Variants in ITPKB observed in about 807,000 individuals in gnomAD.
The protein encoded by ITPKB is inositol-trisphosphate 3-kinase B.
Under a neutral mutation model 69.4 loss-of-function variants are expected in ITPKB, and 13 were observed. The observed-to-expected ratio is 0.19, with a 90% CI of 0.12 to 0.30. The LOEUF is 0.30. Among genes scored for constraint, ITPKB ranks in the 10% least tolerant of loss-of-function variants. The probability of loss-of-function intolerance (pLI) is 1.00; values close to 1 mark genes in which losing one functional copy is unlikely to be tolerated. For synonymous variants in ITPKB, 584 were observed against 513.7 expected (o/e 1.14, Z -1.85); for missense variants, 1,240 against 1,250.5 (o/e 0.99, Z 0.13).
At chr1:226,636,489 T>C (rs911745454) in intron 7 of ITPKB, among the ~76,000 whole-genome samples, 20 of 152,128 alleles carry the variant, frequency 1.3e-4, no homozygotes, top group Admixed American at 3.9e-4. Flanking sequence ...CCTGGTGGTG[T>C]AGTTTGCAGA....
chr1:226,718,061 C>T (rs868308073), intron 2 of ITPKB, among the ~76,000 whole-genome samples: 10 of 151,512 alleles, frequency 6.6e-5, no homozygotes, highest in Admixed American at 4.6e-4. Flanking sequence ...TTTGGGAGGC[C>T]GAGGCAGGCG....
In ITPKB at chr1:226,671,097, T is replaced by C. The variant is rs75927789; in HGVS notation, c.1933-22326A>G. Among the ~76,000 whole-genome samples the C allele has an allele frequency of 1.7e-3, 257 of 152,320 alleles. 2 individuals carry two copies. Among genetic ancestry groups the C allele is most frequent in the African/African-American group, 6.0e-3 (248 of 41,562 alleles). On this transcript the variant is annotated intron_variant, in intron 2 of 7. Transcript: ENST00000429204. Reference sequence around the variant, plus strand: ...AGGGAGAAATAGGGCTTTCTTCCTGTAGGTTCTGTGAGCTCAGGACTGAAA... The same window carrying C: ...AGGGAGAAATAGGGCTTTCTTCCTGCAGGTTCTGTGAGCTCAGGACTGAAA...
In ITPKB at chr1:226,738,166, G is replaced by T. The variant is rs566630781; in HGVS notation, c.-205-503C>A. On this transcript the variant is annotated intron_variant, in intron 1 of 7. Transcript: ENST00000429204. This position sits in a 1 kb window ranked among gnomAD's most constrained non-coding sequence, Gnocchi z 4.2. The stretch of plus-strand genomic sequence containing the variant: ...GGGGCATCAGAGACCGACCGGCTCG[G>T]AGGGAACCTAAGCGGGACCTGCCTT... 6.6e-6 allele frequency among the ~76,000 whole-genome samples: 1 copy of T among 152,150 alleles called. No individual in the cohort carries two copies. The highest frequency in any genetic ancestry group is 2.4e-5 in the African/African-American group (1 of 41,432).
intron 2 of ITPKB, among the ~76,000 whole-genome samples, chr1:226,689,552 T>C (rs548695698): frequency 6.6e-6 from 1 of 150,504 alleles, no homozygotes; most frequent in East Asian, 2.0e-4. Context: ...TTTTTTTCCT[T>C]TGTCGGAAGG....
intron 2 of ITPKB, among the ~76,000 whole-genome samples, chr1:226,650,500 G>C (rs1224904300): frequency 1.3e-5 from 2 of 152,250 alleles, no homozygotes. Context: ...GCACCCAGAA[G>C]GCTGCATAAA....
At chr1:226,636,788 G>T (rs1460758302) in intron 7 of ITPKB, among the ~76,000 whole-genome samples, 5 of 146,704 alleles carry the variant, frequency 3.4e-5, no homozygotes, top group African/African-American at 1.3e-4. Flanking sequence ...GTGTGTGTGT[G>T]TGTGTGAGAC....
chr1:226,694,550 A>C (rs955251330), intron 2 of ITPKB, among the ~76,000 whole-genome samples: 3 of 152,208 alleles, frequency 2.0e-5, no homozygotes, highest in Admixed American at 2.0e-4. Flanking sequence ...TACACATCTT[A>C]TCTCATTTGA....
intron 2 of ITPKB, among the ~76,000 whole-genome samples, chr1:226,707,001 T>A (rs527896450): frequency 1.0e-3 from 152 of 152,188 alleles, no homozygotes; most frequent in South Asian, 4.0e-3. Context: ...CACAGTTCAA[T>A]CCTCTAGGGA....
chr1:226,716,340 G>C (rs1337331806), intron 2 of ITPKB, among the ~76,000 whole-genome samples: 1 of 152,156 alleles, frequency 6.6e-6, no homozygotes, highest in African/African-American at 2.4e-5. Context: ...TCTAAAAAGA[G>C]ATTCTGTGGC....
chr1:226,708,842 A>C (rs1656875138), intron 2 of ITPKB, among the ~76,000 whole-genome samples: 2 of 152,250 alleles, frequency 1.3e-5, no homozygotes, highest in African/African-American at 4.8e-5. Flanking sequence ...ACAGCATCTT[A>C]ACTCGTGAGG....
At chr1:226,702,889 G>A (rs1041417083) in intron 2 of ITPKB, among the ~76,000 whole-genome samples, 2 of 152,192 alleles carry the variant, frequency 1.3e-5, no homozygotes, top group Non-Finnish European at 2.9e-5. Flanking sequence ...AAGGAACTAA[G>A]AGAATTTCAT....
At position 226,736,233 on chromosome 1, in the gene ITPKB, A is replaced by G; in HGVS notation, c.1226T>C (p.Leu409Pro). 1 of 1,543,382 alleles carries G rather than the reference A, an allele frequency of 6.5e-7. No individual in the cohort carries two copies. The highest frequency in any genetic ancestry group is 2.3e-5 in the East Asian group (1 of 44,366). Reference protein sequence around the residue: ...SVQSAESSDSLSWSRLPRALA... With the variant: ...SVQSAESSDSPSWSRLPRALA... The stretch of plus-strand genomic sequence containing the variant: ...GGCCCTGGGCAGCCTGGACCAGCTC[A>G]GGGAATCAGAGGACTCTGCGCTTTG... Residue 409 changes from leucine to proline, a missense_variant, in exon 2 of 8, where the codon CTG becomes CCG. By Grantham distance (98) the Leu-to-Pro change is moderately conservative (BLOSUM62 -3). This residue lies in a region of ITPKB where 992 missense variants were observed against 853.8 expected (regional missense o/e 1.16). Coordinates refer to ENST00000429204, the MANE Select transcript of ITPKB (RefSeq NM_002221.4).
chr1:226,708,119 T>C (rs1656855157), intron 2 of ITPKB, among the ~76,000 whole-genome samples: 1 of 152,104 alleles, frequency 6.6e-6, no homozygotes. Flanking sequence ...AAGATAAAAC[T>C]AGTACAATCA....
At chr1:226,709,178 A>C (rs1483644750) in intron 2 of ITPKB, among the ~76,000 whole-genome samples, 1 of 152,266 alleles carries the variant, frequency 6.6e-6, no homozygotes, top group African/African-American at 2.4e-5. Context: ...TAGAGCTGCC[A>C]GAAAAAGTAC....
At position 226,634,653 on chromosome 1, in the gene ITPKB, A is replaced by C; in HGVS notation, c.*18T>G. The C allele has an allele frequency of 1.3e-6, 1 of 776,604 alleles. No homozygotes were observed. The highest frequency in any genetic ancestry group is 2.4e-6 in the Non-Finnish European group (1 of 415,850). The allele number at this position is 776,604 out of a possible 1,614,324, so 48.1% of individuals were successfully genotyped here. On this transcript the variant is annotated 3_prime_UTR_variant, in exon 8 of 8. Coordinates refer to ENST00000429204, the MANE Select transcript of ITPKB (RefSeq NM_002221.4). This position sits in a 1 kb window ranked among gnomAD's most constrained non-coding sequence, Gnocchi z 6.3. ...AGGAAAGGAGGCCCAGGCGGGGGCCAGGGAGGGCGTGGGCAGCTCAGGCGA... is the reference window on the plus strand; with the variant it reads ...AGGAAAGGAGGCCCAGGCGGGGGCCCGGGAGGGCGTGGGCAGCTCAGGCGA...
chr1:226,722,921 T>C (rs1657288248), intron 2 of ITPKB, among the ~76,000 whole-genome samples: 2 of 152,214 alleles, frequency 1.3e-5, no homozygotes, highest in Admixed American at 6.5e-5. Context: ...GGGTCAACCC[T>C]GCAGGCTACC....
At position 226,708,563 on chromosome 1, in the gene ITPKB, C is replaced by A. The variant is rs993598156; in HGVS notation, c.1932+26964G>T. ...GCCTTAGACACCATGAAGAGCCATC[C>A]CCTTTTTCCTCCAAGGGATATTATC... On this transcript the variant is annotated intron_variant, in intron 2 of 7. Coordinates refer to ENST00000429204, the MANE Select transcript of ITPKB (RefSeq NM_002221.4). Among the ~76,000 whole-genome samples the A allele has an allele frequency of 3.3e-5, 5 of 152,260 alleles. No homozygotes were observed. The South Asian group carries it at 6.2e-4, about 19-fold the overall frequency.
In ITPKB at chr1:226,641,885, G is replaced by T; in HGVS notation, c.2451+36C>A. On this transcript the variant is annotated intron_variant, in intron 5 of 7. Transcript: ENST00000429204. The surrounding 1 kb of genome is among the most constrained non-coding windows in gnomAD (Gnocchi z 4.6). ...GCCAAGCCCCCTGAGGTGGGCACGG[G>T]TGGGGCCCGAGGCTGCCCTCACTCG... 6.3e-7 allele frequency: 1 copy of T among 1,588,086 alleles called. No homozygotes were observed. Among genetic ancestry groups the T allele is most frequent in the Non-Finnish European group, 8.6e-7 (1 of 1,161,558 alleles).
rs1199807328 is a variant in ITPKB, at chr1:226,647,362, G to C, written c.2051C>G (p.Ala684Gly). ...AGHAGSFKAAANGRILKKHCE... is the reference protein window; with the variant it reads ...AGHAGSFKAAGNGRILKKHCE... ...GTGCTTCTTCAGGATCCTGCCATTGGCAGCTGCCTTGAAACTCCCTGGAGA... is the reference window on the plus strand; with the variant it reads ...GTGCTTCTTCAGGATCCTGCCATTGCCAGCTGCCTTGAAACTCCCTGGAGA... Residue 684 changes from alanine (A) to glycine (G), a missense_variant, in exon 4 of 8, where the codon GCC becomes GGC. Ala to Gly is a moderately conservative substitution (Grantham distance 60). Coordinates refer to ENST00000429204, the MANE Select transcript of ITPKB (RefSeq NM_002221.4). 1 of 1,613,910 alleles carries C rather than the reference G, an allele frequency of 6.2e-7. No individual in the cohort carries two copies. The highest frequency in any genetic ancestry group is 1.6e-4 in the Middle Eastern group (1 of 6,062).
Sources: allele counts gnomAD v4.1 joint callset (sites outside exome capture counted in the v4.1 genomes callset), GRCh38; gene constraint gnomAD v4.1.1; regional missense constraint gnomAD v4.1.1; non-coding constraint Gnocchi (gnomAD v3.1); transcripts MANE v1.5; gene names NCBI Gene and HGNC (gene_info 2026-07-23, HGNC 2026-07-21).